The following EXOC6 variants were observed in gnomAD, a reference collection of about 807,000 sequenced individuals.
EXOC6 encodes exocyst complex component 6.
EXOC6 carries 60 observed loss-of-function variants against 112.5 expected under a neutral mutation model. The ratio of observed to expected loss-of-function variants is 0.53; its 90% CI spans 0.43 to 0.66. The LOEUF is 0.66. EXOC6 is among the 30% of genes least tolerant of loss of function. The probability of loss-of-function intolerance (pLI) is 0.00; values close to 1 mark genes in which losing one functional copy is unlikely to be tolerated. For synonymous variants in EXOC6, 295 were observed against 308.0 expected, an observed-to-expected ratio of 0.96 and a Z score of 0.44; for missense variants, 855 against 957.1, an observed-to-expected ratio of 0.89 and a Z score of 1.41.
chr10:92,875,656 GAATA>G (rs1207897199), intron 1 of EXOC6, among the ~76,000 whole-genome samples: 1 of 151,892 alleles, frequency 6.6e-6, no homozygotes, highest in African/African-American at 2.4e-5. Context: ...AAATATAGAA[GAATA>G]GAGAGCAGAA....
At chr10:92,984,646 C>A (rs1460713924) in intron 18 of EXOC6, among the ~76,000 whole-genome samples, 9 of 152,062 alleles carry the variant, frequency 5.9e-5, no homozygotes, top group Admixed American at 5.9e-4. Context: ...TAAGTCTTTG[C>A]ATATTAGAAA....
chr10:93,020,689 A>G (rs1343791460), intron 20 of EXOC6, among the ~76,000 whole-genome samples: 2 of 152,074 alleles, frequency 1.3e-5, no homozygotes, highest in East Asian at 3.9e-4. Flanking sequence ...TTGAGTTACT[A>G]ACTTGATTTG....
chr10:92,842,362 A>T (rs1199305473), intron 1 of EXOC6, among the ~76,000 whole-genome samples: 1 of 21,242 alleles, frequency 4.7e-5, no homozygotes, highest in Non-Finnish European at 1.7e-4. Context: ...CTGTCTCAGA[A>T]AAAAAAAAAA....
chr10:92,997,669 T>G, intron 19 of EXOC6, 54 bp downstream of exon 19: 2 of 1,469,712 alleles, frequency 1.4e-6, no homozygotes, highest in Non-Finnish European at 1.8e-6. Context: ...ATGCTTAAAT[T>G]ATATGAAAAA....
chr10:92,878,670 T>G (rs1278182684), intron 1 of EXOC6, among the ~76,000 whole-genome samples: 2 of 152,178 alleles, frequency 1.3e-5, no homozygotes, highest in Non-Finnish European at 1.5e-5. Context: ...TTTAGAGAGA[T>G]AATGCGATAA....
At chr10:92,893,562 A>G in intron 2 of EXOC6, 42 bp downstream of exon 2, 3 of 1,511,440 alleles carry the variant, frequency 2.0e-6, no homozygotes, top group Non-Finnish European at 2.7e-6. Flanking sequence ...TTCTCATTAA[A>G]TTACTCAAGT....
intron 20 of EXOC6, among the ~76,000 whole-genome samples, chr10:93,053,284 T>C (rs1488429428): frequency 6.6e-6 from 1 of 152,146 alleles, no homozygotes; most frequent in Non-Finnish European, 1.5e-5. Context: ...CCTGTGGAAA[T>C]GGGTTCAGTC....
intron 18 of EXOC6, among the ~76,000 whole-genome samples, chr10:92,976,987 A>G (rs540761937): frequency 1.3e-5 from 2 of 152,376 alleles, no homozygotes; most frequent in South Asian, 4.1e-4. Flanking sequence ...CTGTTAAAAC[A>G]TGAATGCAAT....
intron 7 of EXOC6, among the ~76,000 whole-genome samples, chr10:92,917,389 C>T (rs913668716): frequency 4.6e-5 from 7 of 150,756 alleles, no homozygotes; most frequent in African/African-American, 1.7e-4. Flanking sequence ...TGCTGAAATA[C>T]TACAAAAATA....
chr10:92,997,616 G>A lies in EXOC6; in HGVS notation c.2095+1G>A. The A allele has an allele frequency of 6.2e-7, 1 of 1,604,766 alleles. No individual in the cohort carries two copies. The highest frequency in any genetic ancestry group is 8.5e-7 in the Non-Finnish European group (1 of 1,175,642). ...AACTTAGATGTCATACAGTGTGAAT[G>A]TAAGTACTATATTGGTTTATTCTTA... On this transcript the variant is annotated splice_donor_variant, in intron 19 of 21. Transcript: ENST00000260762. LOFTEE classifies it high-confidence loss of function.
chr10:92,889,477 A>G (rs150803996), intron 1 of EXOC6, among the ~76,000 whole-genome samples: 13 of 152,266 alleles, frequency 8.5e-5, no homozygotes, highest in African/African-American at 3.1e-4. Context: ...TTGACACATC[A>G]TTATCATTCA....
Position 92,943,044 on chromosome 10 carries a change from C to T in EXOC6, c.1310+2220C>T, listed in dbSNP as rs1404126417. Among the ~76,000 whole-genome samples the T allele has an allele frequency of 6.7e-5, 10 of 148,664 alleles. No individual in the cohort carries two copies. In the East Asian group the frequency reaches 1.8e-3, roughly 26 times the overall value. Reference sequence around the variant, plus strand: ...GCCTAATTTTTTTTTTTTTTTGAGACGGAGTCTTGCACTGTCACCTGTGCT... The same window carrying T: ...GCCTAATTTTTTTTTTTTTTTGAGATGGAGTCTTGCACTGTCACCTGTGCT... On this transcript the variant is annotated intron_variant, in intron 13 of 21. Coordinates refer to ENST00000260762, the MANE Select transcript of EXOC6 (RefSeq NM_019053.6).
intron 20 of EXOC6, among the ~76,000 whole-genome samples, chr10:93,044,832 C>T (rs1229870777): frequency 6.6e-6 from 1 of 151,984 alleles, no homozygotes. Context: ...AATAAGGTGC[C>T]TCTGGGGACT....
rs1590002835 is a variant in EXOC6 at position 92,997,373 on chromosome 10, A to C, written c.1954-101A>C. On this transcript the variant is annotated intron_variant, in intron 18 of 21. Coordinates refer to ENST00000260762, the MANE Select transcript of EXOC6 (RefSeq NM_019053.6). ...AGTAACCACTATTGTACCAAGCATA[A>C]GCAACAAAAAGAATGCCAGGTGTAT... 8 of 1,116,064 alleles carry C rather than the reference A, an allele frequency of 7.2e-6. No homozygotes were observed. In the East Asian group the frequency reaches 1.8e-4, roughly 26 times the overall value. 69.1% of individuals were successfully genotyped at this position (1,116,064 alleles called of 1,614,324 possible).
In EXOC6 at chr10:93,048,291, A is replaced by G. The variant is rs116240307; in HGVS notation, c.2170-8633A>G. On this transcript the variant is annotated intron_variant, in intron 20 of 21. Coordinates refer to ENST00000260762, the MANE Select transcript of EXOC6 (RefSeq NM_019053.6). ...AAAAAAAAAATCTAAGTTACATTCA[A>G]CTATTTGAAGTGAATCTACTTGAGG... Among the ~76,000 whole-genome samples, 1,488 of 152,066 alleles carry G rather than the reference A, an allele frequency of 9.8e-3. 22 individuals are homozygous for G. The highest frequency in any genetic ancestry group is 0.034 in the African/African-American group (1,397 of 41,486).
chr10:92,898,729 G>A (rs1195900885), intron 4 of EXOC6, among the ~76,000 whole-genome samples: 1 of 152,106 alleles, frequency 6.6e-6, no homozygotes, highest in Admixed American at 6.6e-5. Context: ...CAGAGTCAGG[G>A]TTGATTCACT....
Position 92,951,199 on chromosome 10 carries a change from A to C in EXOC6, c.1417-1074A>C, listed in dbSNP as rs919840994. Among the ~76,000 whole-genome samples the C allele has an allele frequency of 2.6e-5, 4 of 152,210 alleles. No homozygotes were observed. The East Asian group carries it at 7.7e-4, about 29-fold the overall frequency. Reference sequence around the variant, plus strand: ...TGGGTAGATACATGAATTTGGACTTAAGAGAAAGATTTGATCTGGAGTTGT... The same window carrying C: ...TGGGTAGATACATGAATTTGGACTTCAGAGAAAGATTTGATCTGGAGTTGT... On this transcript the variant is annotated intron_variant, in intron 14 of 21. Transcript: ENST00000260762.
rs147749457 is a variant in EXOC6 at position 93,058,308 on chromosome 10, G to A, written c.2368G>A (p.Val790Met). Residue 790 changes from valine to methionine, a missense_variant, in exon 22 of 22, where the codon GTG becomes ATG. Physicochemically the swap from Val to Met is conservative, Grantham distance 21. This residue lies in a region of EXOC6 where 450 missense variants were observed against 563.5 expected (regional missense o/e 0.80). Transcript: ENST00000260762. The stretch of plus-strand genomic sequence containing the variant: ...CAAACAGAAGTTGATAGAGACAGTC[G>A]TGAAACAGCTGAGAAGTTTGGTGAA... ...RDKQKLIETV[V>M]KQLRSLVNGM... 1.8e-4 allele frequency: 296 copies of A among 1,611,470 alleles called. 1 individual carries two copies. Among genetic ancestry groups the A allele is most frequent in the Non-Finnish European group, 2.4e-4 (284 of 1,179,504 alleles).
chr10:92,889,799 G>T (rs1849407888), intron 1 of EXOC6, among the ~76,000 whole-genome samples: 1 of 151,708 alleles, frequency 6.6e-6, no homozygotes, highest in Non-Finnish European at 1.5e-5. Flanking sequence ...ACCCAGGTTG[G>T]AGTGCGGTGG....
Sources: gnomAD v4.1 joint callset for allele counts (sites outside exome capture counted in the v4.1 genomes callset) on GRCh38, gnomAD v4.1.1 for gene constraint, gnomAD v4.1.1 regional missense constraint, MANE v1.5 for transcripts, NCBI Gene and HGNC (gene_info 2026-07-23, HGNC 2026-07-21) for gene names.